The following PLIN3 variants were observed in gnomAD, a reference collection of about 807,000 sequenced individuals.
The protein encoded by PLIN3 is perilipin-3.
In PLIN3, 30 loss-of-function variants were observed where a neutral mutation model predicts 35.9. The ratio of observed to expected loss-of-function variants is 0.84; its 90% confidence interval spans 0.62 to 1.13. PLIN3 has a LOEUF of 1.13. PLIN3 is among the 50% of genes most tolerant of loss of function. PLIN3 has a pLI of 0.00. For synonymous variants in PLIN3, 261 were observed against 262.5 expected, an observed-to-expected ratio of 0.99 and a Z score of 0.06; for missense variants, 603 against 596.9, an observed-to-expected ratio of 1.01 and a Z score of -0.11.
At chr19:4,855,453 T>C (rs921822870) in intron 4 of PLIN3, among the ~76,000 whole-genome samples, 3 of 151,984 alleles carry the variant, frequency 2.0e-5, no homozygotes, top group Non-Finnish European at 2.9e-5. Flanking sequence ...AGCTCAGCAG[T>C]TTCCATCCCC....
chr19:4,854,209 C>G (rs143491331), intron 4 of PLIN3, among the ~76,000 whole-genome samples: 1 of 151,838 alleles, frequency 6.6e-6, no homozygotes, highest in Non-Finnish European at 1.5e-5. Context: ...CTGGGATGAC[C>G]GACATGAGCC....
rs2030357869 is a variant in PLIN3 at position 4,853,106 on chromosome 19, T to C, written c.349-805A>G. Among the ~76,000 whole-genome samples, 5 of 145,284 alleles carry C rather than the reference T, an allele frequency of 3.4e-5. No individual in the cohort carries two copies. In the Admixed American group the frequency reaches 3.6e-4, roughly 11 times the overall value. On this transcript the variant is annotated intron_variant, in intron 4 of 7. Coordinates refer to ENST00000221957, the MANE Select transcript of PLIN3 (RefSeq NM_005817.5). The stretch of plus-strand genomic sequence containing the variant: ...GGATTACAGGCATGAGCCACTGCAC[T>C]CTGCCTGTTTTTTGTTTTTTTTTTT...
At chr19:4,848,231 G>A (rs7250294) in intron 5 of PLIN3, among the ~76,000 whole-genome samples, 36,738 of 152,058 alleles carry the variant, frequency 0.24, 4,840 homozygotes, top group East Asian at 0.46. Flanking sequence ...TGATTCATCC[G>A]AACTGGCCTC....
chr19:4,863,358 A>G (rs262545), intron 1 of PLIN3, among the ~76,000 whole-genome samples: 83,276 of 151,094 alleles, frequency 0.55, 23,623 homozygotes, highest in Non-Finnish European at 0.61. Context: ...TTAGCCAGGC[A>G]TGGTGGCGAA....
At chr19:4,840,608 G>A (rs2029877835) in intron 7 of PLIN3, among the ~76,000 whole-genome samples, 1 of 152,128 alleles carries the variant, frequency 6.6e-6, no homozygotes, top group Non-Finnish European at 1.5e-5. Flanking sequence ...TATAGGGAGA[G>A]CACATGAAAA....
chr19:4,851,943 C>T lies in PLIN3; in HGVS notation c.634+73G>A, dbSNP rs1400734679. On this transcript the variant is annotated intron_variant, in intron 5 of 7. Coordinates refer to ENST00000221957, the MANE Select transcript of PLIN3 (RefSeq NM_005817.5). The stretch of plus-strand genomic sequence containing the variant: ...CGGCAGTGAGTGTCGGCACAGACCC[C>T]AGGAGGCCGACAGCGGCTTCCGGTC... 7.4e-6 allele frequency: 11 copies of T among 1,487,416 alleles called. No individual in the cohort carries two copies. In the African/African-American group the frequency reaches 1.2e-4, roughly 17 times the overall value. The allele number at this position is 1,487,416 out of a possible 1,614,324, so 92.1% of individuals were successfully genotyped here.
intron 1 of PLIN3, among the ~76,000 whole-genome samples, chr19:4,865,020 T>C (rs1261387943): frequency 6.6e-6 from 1 of 151,666 alleles, no homozygotes; most frequent in African/African-American, 2.4e-5. Flanking sequence ...TGAAACACTG[T>C]CTCTACTAAA....
chr19:4,865,730 G>GTTTTT (rs35687506), intron 1 of PLIN3, among the ~76,000 whole-genome samples: 1 of 131,360 alleles, frequency 7.6e-6, no homozygotes, highest in Admixed American at 8.2e-5. Context: ...TTTTTTTTTT[G>GTTTTT]TTTTTTTTTT....
chr19:4,864,151 G>GTGT (rs2030770205), intron 1 of PLIN3, among the ~76,000 whole-genome samples: 1 of 82,124 alleles, frequency 1.2e-5, no homozygotes, highest in African/African-American at 5.0e-5. Context: ...GTGTGTGTGT[G>GTGT]GTTTTGTTTT....
At chr19:4,865,484 G>C (rs1043792973) in intron 1 of PLIN3, among the ~76,000 whole-genome samples, 16 of 144,926 alleles carry the variant, frequency 1.1e-4, no homozygotes, top group Admixed American at 5.0e-4. Flanking sequence ...GGGAGACTCC[G>C]TTTCAAAAAA....
Position 4,839,190 on chromosome 19 carries a change from C to A in PLIN3, c.*2G>T. 1 of 1,597,722 alleles carries A rather than the reference C, an allele frequency of 6.3e-7. No individual in the cohort carries two copies. Among genetic ancestry groups the A allele is most frequent in the South Asian group, 1.1e-5 (1 of 89,834 alleles). ...GGGCCCGCTGAGTCCTCTCCTCTCC[C>A]CCTACTTCTTCTCCTCCGGGGCTTT... On this transcript the variant is annotated 3_prime_UTR_variant, in exon 8 of 8. Transcript: ENST00000221957.
At chr19:4,857,490 C>A (rs762829447) in intron 4 of PLIN3, among the ~76,000 whole-genome samples, 3 of 151,968 alleles carry the variant, frequency 2.0e-5, no homozygotes, top group Non-Finnish European at 2.9e-5. Context: ...ATCACTTGAG[C>A]CCAGGAGTTC....
At chr19:4,855,224 T>C (rs933649542) in intron 4 of PLIN3, among the ~76,000 whole-genome samples, 2 of 117,850 alleles carry the variant, frequency 1.7e-5, no homozygotes, top group African/African-American at 3.3e-5. Flanking sequence ...CATTCCAGCC[T>C]GGGCAACAGA....
At chr19:4,856,640 G>T (rs1328030547) in intron 4 of PLIN3, among the ~76,000 whole-genome samples, 3 of 151,758 alleles carry the variant, frequency 2.0e-5, no homozygotes, top group Non-Finnish European at 2.9e-5. Context: ...GGCAGCCTGT[G>T]CCCTGGTCCC....
At chr19:4,852,894 A>AACCT (rs1001407054) in intron 4 of PLIN3, among the ~76,000 whole-genome samples, 1 of 151,596 alleles carries the variant, frequency 6.6e-6, no homozygotes, top group African/African-American at 2.4e-5. Context: ...GGCTCACTGT[A>AACCT]ACCTCCGCCT....
At chr19:4,858,771 G>A (rs1312753739) in intron 4 of PLIN3, among the ~76,000 whole-genome samples, 3 of 124,500 alleles carry the variant, frequency 2.4e-5, no homozygotes, top group East Asian at 5.1e-4. Flanking sequence ...GCATGATCTC[G>A]GATCACTGCA....
intron 1 of PLIN3, among the ~76,000 whole-genome samples, chr19:4,864,434 C>T (rs1286836471): frequency 1.3e-5 from 2 of 150,598 alleles, no homozygotes; most frequent in Admixed American, 1.3e-4. Context: ...CAGGATGAGT[C>T]ACTGCACTCA....
At chr19:4,848,656 C>T (rs1158291065) in intron 5 of PLIN3, among the ~76,000 whole-genome samples, 1 of 152,200 alleles carries the variant, frequency 6.6e-6, no homozygotes, top group Non-Finnish European at 1.5e-5. Flanking sequence ...CACTTGAGGT[C>T]AGGAGTTCAA....
At chr19:4,855,252 A>AAAG (rs370106598) in intron 4 of PLIN3, among the ~76,000 whole-genome samples, 61,892 of 113,548 alleles carry the variant, frequency 0.55, 16,216 homozygotes, top group South Asian at 0.63. Flanking sequence ...TCCATCTGAA[A>AAAG]AAAAAAAAAA....
Sources: allele counts gnomAD v4.1 joint callset (sites outside exome capture counted in the v4.1 genomes callset), GRCh38; gene constraint gnomAD v4.1.1; transcripts MANE v1.5; gene names NCBI Gene and HGNC (gene_info 2026-07-23, HGNC 2026-07-21).